The following CR1L variants were observed in gnomAD, a reference collection of about 807,000 sequenced individuals.
CR1L encodes complement component receptor 1-like protein.
A neutral mutation model predicts 62.3 loss-of-function variants in CR1L; 59 were observed. That is an observed-to-expected ratio of 0.95 (90% CI 0.77 to 1.18). CR1L has a LOEUF of 1.18. Among genes scored for constraint, CR1L ranks in the 50% most tolerant of loss-of-function variants. The pLI is 0.00. For missense variants in CR1L, 700 were observed against 702.8 expected (o/e 1.00, Z 0.04); for synonymous variants, 279 against 248.7 (o/e 1.12, Z -1.15).
chr1:207,669,520 TC>T (rs1663576520), intron 1 of CR1L: 1 of 1,580,488 alleles, frequency 6.3e-7, no homozygotes, highest in Non-Finnish European at 8.6e-7. Context: ...CTGCGGAGGA[TC>T]CCTGCTGGCG....
chr1:207,690,237 A>C (rs1663977074), intron 4 of CR1L, among the ~76,000 whole-genome samples: 1 of 151,862 alleles, frequency 6.6e-6, no homozygotes, highest in South Asian at 2.1e-4. Flanking sequence ...TAACCTATAC[A>C]TTTTTCTCTA....
At chr1:207,677,954 T>A (rs528252901) in intron 2 of CR1L, among the ~76,000 whole-genome samples, 1 of 152,356 alleles carries the variant, frequency 6.6e-6, no homozygotes, top group South Asian at 2.1e-4. Flanking sequence ...TTACAGATAA[T>A]AACGAAGTTT....
intron 1 of CR1L, among the ~76,000 whole-genome samples, chr1:207,648,200 CACACAG>C (rs1235308269): frequency 3.9e-5 from 2 of 51,820 alleles, no homozygotes; most frequent in East Asian, 4.2e-4. Flanking sequence ...CACACACACA[CACACAG>C]ACACACACAC....
intron 8 of CR1L, among the ~76,000 whole-genome samples, chr1:207,700,344 A>G (rs900911626): frequency 1.3e-5 from 2 of 152,220 alleles, no homozygotes; most frequent in Non-Finnish European, 2.9e-5. Context: ...ACTATCATGC[A>G]TGAAAGCTCA....
At chr1:207,653,621 G>T (rs1663263061) in intron 1 of CR1L, among the ~76,000 whole-genome samples, 1 of 152,172 alleles carries the variant, frequency 6.6e-6, no homozygotes, top group Non-Finnish European at 1.5e-5. Flanking sequence ...AAAGCTCTCA[G>T]TTGAAAAACC....
intron 1 of CR1L, among the ~76,000 whole-genome samples, chr1:207,662,284 C>T (rs1242782780): frequency 1.3e-5 from 2 of 152,204 alleles, no homozygotes; most frequent in Non-Finnish European, 2.9e-5. Flanking sequence ...TCAGGTACAC[C>T]AATCAGACGT....
At chr1:207,682,016 G>A (rs1296934419) in intron 3 of CR1L, among the ~76,000 whole-genome samples, 1 of 152,044 alleles carries the variant, frequency 6.6e-6, no homozygotes, top group Non-Finnish European at 1.5e-5. Flanking sequence ...GGCTAGGGGC[G>A]GGATAGCACT....
At chr1:207,690,449 T>C (rs980902806) in intron 4 of CR1L, among the ~76,000 whole-genome samples, 2 of 152,226 alleles carry the variant, frequency 1.3e-5, no homozygotes, top group Non-Finnish European at 2.9e-5. Flanking sequence ...AGAATATGGA[T>C]GATTTTGGTA....
chr1:207,649,616 G>A (rs1302239119), intron 1 of CR1L, among the ~76,000 whole-genome samples: 4 of 152,166 alleles, frequency 2.6e-5, no homozygotes, highest in Admixed American at 2.0e-4. Flanking sequence ...AAGCAGTTTG[G>A]TAGTGGTTCA....
intron 1 of CR1L, chr1:207,652,786 CA>C (rs1378867291): frequency 5.6e-5 from 39 of 691,996 alleles, no homozygotes; most frequent in Admixed American, 2.7e-4. Context: ...TAGAGATTTG[CA>C]CACATTTTAG....
chr1:207,691,493 TATAA>T (rs1430608377), intron 4 of CR1L, among the ~76,000 whole-genome samples: 4 of 151,980 alleles, frequency 2.6e-5, no homozygotes, highest in South Asian at 4.1e-4. Context: ...AAGTTAAAAT[TATAA>T]ATAAATAAAT....
At chr1:207,710,347 T>C (rs528358113) in intron 10 of CR1L, 2 of 1,235,660 alleles carry the variant, frequency 1.6e-6, no homozygotes, top group East Asian at 2.3e-5. Context: ...TGTCCCAAGG[T>C]TTTGTTTTGG....
chr1:207,674,070 G>A (rs1466461362), intron 1 of CR1L, among the ~76,000 whole-genome samples: 8 of 152,108 alleles, frequency 5.3e-5, no homozygotes, highest in East Asian at 1.9e-4. Context: ...TAAAACAATC[G>A]GAGTGATTTC....
intron 5 of CR1L, among the ~76,000 whole-genome samples, chr1:207,695,022 T>C (rs1664054207): frequency 6.6e-6 from 1 of 152,196 alleles, no homozygotes. Context: ...TAACTGCTGA[T>C]AGAAAATGAG....
At chr1:207,668,835 C>G (rs915601991) in intron 1 of CR1L, among the ~76,000 whole-genome samples, 1 of 151,034 alleles carries the variant, frequency 6.6e-6, no homozygotes, top group Non-Finnish European at 1.5e-5. Context: ...CCTGGCTGGT[C>G]TCCCCTCTCC....
At chr1:207,708,070 C>A in intron 9 of CR1L, 108 bp from the exon 10 acceptor site, 6 of 1,309,468 alleles carry the variant, frequency 4.6e-6, no homozygotes, top group South Asian at 1.2e-5. Flanking sequence ...TTAGGCTAGG[C>A]CTTAGACTTC....
chr1:207,680,579 C>G (rs1570563), intron 3 of CR1L, among the ~76,000 whole-genome samples: 73,744 of 151,852 alleles, frequency 0.49, 18,237 homozygotes, highest in East Asian at 0.69. Context: ...TTTCCAAGGG[C>G]ATGGGCTTCC....
At chr1:207,676,130 C>T (rs1012519280) in intron 1 of CR1L, among the ~76,000 whole-genome samples, 1 of 152,130 alleles carries the variant, frequency 6.6e-6, no homozygotes, top group African/African-American at 2.4e-5. Flanking sequence ...ACAACACAGG[C>T]ACTTACTGAT....
intron 1 of CR1L, among the ~76,000 whole-genome samples, chr1:207,652,889 A>T (rs528052774): frequency 1.3e-5 from 2 of 152,222 alleles, no homozygotes; most frequent in South Asian, 2.1e-4. Flanking sequence ...TGAGAAATTG[A>T]AATCTCCAAG....
Sources: allele counts gnomAD v4.1 joint callset (sites outside exome capture counted in the v4.1 genomes callset), GRCh38; gene constraint gnomAD v4.1.1; transcripts MANE v1.5; gene names NCBI Gene and HGNC (gene_info 2026-07-23, HGNC 2026-07-21).